The following MED13L variants were observed in gnomAD, a reference collection of about 807,000 sequenced individuals.
MED13L encodes the protein mediator complex subunit 13L, also known as mediator of RNA polymerase II transcription subunit 13-like.
MED13L carries 7 observed loss-of-function variants against 220.9 expected under a neutral mutation model. That is an observed-to-expected ratio of 0.03 (90% confidence interval 0.02 to 0.06). The LOEUF (loss-of-function observed/expected upper bound fraction) is 0.06, where lower values mean the gene tolerates loss of function less well. MED13L is among the 10% of genes least tolerant of loss of function. The pLI is 1.00. For synonymous variants in MED13L, 1,011 were observed against 1,015.2 expected (o/e 1.00, Z 0.08); for missense variants, 1,965 against 2,760.5 (o/e 0.71, Z 6.46).
Position 115,991,052 on chromosome 12 carries a change from C to T in MED13L, c.3902G>A (p.Ser1301Asn). Reference protein sequence around the residue: ...GGKVDEALVRSATVHSWPHSN... With the variant: ...GGKVDEALVRNATVHSWPHSN... ...GTGAGGCCAAGAGTGCACAGTGGCA[C>T]TTCTCACCAGAGCTTCGTCCACTTT... The change falls in exon 17 of 31, where the codon AGT (serine) becomes AAT (asparagine). Residue 1301 changes from serine to asparagine, a missense_variant. Around this residue, in one of 10 missense-constraint regions of MED13L, gnomAD observed 165 missense variants for 190.8 expected, o/e 0.86. Coordinates refer to ENST00000281928, the MANE Select transcript of MED13L (RefSeq NM_015335.5). This position sits in a 1 kb window ranked among gnomAD's most constrained non-coding sequence, Gnocchi z 7.7. 1 of 1,614,184 alleles carries T rather than the reference C, an allele frequency of 6.2e-7. No individual in the cohort carries two copies. Among genetic ancestry groups the T allele is most frequent in the Non-Finnish European group, 8.5e-7 (1 of 1,180,026 alleles).
intron 23 of MED13L, among the ~76,000 whole-genome samples, chr12:115,977,919 C>T (rs751274874): frequency 1.3e-4 from 20 of 152,084 alleles, no homozygotes; most frequent in Non-Finnish European, 2.8e-4. Context: ...CACTTAAGCC[C>T]AGGGAGGTCG....
chr12:116,156,719 A>T (rs1878470732), intron 2 of MED13L, among the ~76,000 whole-genome samples: 1 of 152,176 alleles, frequency 6.6e-6, no homozygotes, highest in Non-Finnish European at 1.5e-5. Context: ...TGTTCCCTCA[A>T]ATTAGAGGAT....
At chr12:116,060,073 C>T (rs954124697) in intron 4 of MED13L, among the ~76,000 whole-genome samples, 2 of 152,056 alleles carry the variant, frequency 1.3e-5, no homozygotes, top group Non-Finnish European at 2.9e-5. Context: ...AGTTTCACTG[C>T]TGGACTGTGT....
At chr12:116,185,132 T>C (rs1466069384) in intron 2 of MED13L, among the ~76,000 whole-genome samples, 1 of 152,140 alleles carries the variant, frequency 6.6e-6, no homozygotes. Context: ...AGCGCCTCAT[T>C]TGATAAAAAT....
intron 1 of MED13L, among the ~76,000 whole-genome samples, chr12:116,260,715 T>C (rs1027282459): frequency 3.3e-5 from 5 of 152,220 alleles, no homozygotes; most frequent in African/African-American, 1.2e-4. Flanking sequence ...TTCTATCCAC[T>C]GGTTCCCCAA....
At chr12:116,077,677 A>G (rs1023768790) in intron 4 of MED13L, among the ~76,000 whole-genome samples, 3 of 152,216 alleles carry the variant, frequency 2.0e-5, no homozygotes, top group East Asian at 1.9e-4. Flanking sequence ...GATTAACACT[A>G]GAAGAAAAAC....
intron 2 of MED13L, among the ~76,000 whole-genome samples, chr12:116,154,009 C>G (rs902647436): frequency 3.3e-5 from 5 of 152,146 alleles, no homozygotes; most frequent in African/African-American, 1.2e-4. Context: ...ATCACAGCTG[C>G]CCGGAGCACT....
At chr12:116,089,820 T>C (rs1872032493) in intron 4 of MED13L, among the ~76,000 whole-genome samples, 1 of 152,178 alleles carries the variant, frequency 6.6e-6, no homozygotes, top group Non-Finnish European at 1.5e-5. Flanking sequence ...TGAGATGCCA[T>C]GAAAAAAGAA....
chr12:116,276,269 G>C (rs1873810091), intron 1 of MED13L, among the ~76,000 whole-genome samples: 1 of 151,106 alleles, frequency 6.6e-6, no homozygotes, highest in South Asian at 2.1e-4. Context: ...GGCGAAGGCA[G>C]ATAAAAGCGA....
intron 18 of MED13L, among the ~76,000 whole-genome samples, chr12:115,986,713 G>C (rs1441248070): frequency 6.6e-6 from 1 of 152,174 alleles, no homozygotes; most frequent in Non-Finnish European, 1.5e-5. Flanking sequence ...AGTAAGATCA[G>C]AGGGCAGACT....
chr12:116,043,498 T>A (rs1401453676), intron 4 of MED13L, among the ~76,000 whole-genome samples: 1 of 152,146 alleles, frequency 6.6e-6, no homozygotes, highest in Non-Finnish European at 1.5e-5. Context: ...TAATCATGTT[T>A]AGTAACAGAA....
chr12:116,207,299 C>T (rs959457579), intron 2 of MED13L, among the ~76,000 whole-genome samples: 7 of 152,098 alleles, frequency 4.6e-5, no homozygotes, highest in African/African-American at 1.4e-4. Context: ...CCGTTCCTTG[C>T]TTTTTCTATG....
chr12:116,045,765 G>C (rs1444881396), intron 4 of MED13L, among the ~76,000 whole-genome samples: 2 of 151,908 alleles, frequency 1.3e-5, no homozygotes, highest in African/African-American at 4.8e-5. Flanking sequence ...TCTTTAGACA[G>C]GTTACAAGTA....
intron 2 of MED13L, among the ~76,000 whole-genome samples, chr12:116,114,791 A>C (rs1275101644): frequency 6.6e-6 from 1 of 152,226 alleles, no homozygotes; most frequent in African/African-American, 2.4e-5. Flanking sequence ...ACAAAAAACT[A>C]TCACATTTCT....
chr12:116,244,931 A>C (rs1454557602), intron 1 of MED13L, among the ~76,000 whole-genome samples: 1 of 152,202 alleles, frequency 6.6e-6, no homozygotes, highest in Non-Finnish European at 1.5e-5. Flanking sequence ...CAGCCTGGGC[A>C]ACAGAGTGAG....
chr12:116,032,087 G>A (rs1880886760), intron 4 of MED13L, among the ~76,000 whole-genome samples: 1 of 152,080 alleles, frequency 6.6e-6, no homozygotes, highest in South Asian at 2.1e-4. Context: ...GGTTTCTATG[G>A]AGAAATTTAT....
rs1878043425 is a variant in MED13L, at chr12:115,991,273, G to A, written c.3681C>T (p.Leu1227=). The A allele has an allele frequency of 1.9e-6, 3 of 1,614,182 alleles. No homozygotes were observed. In the East Asian group the frequency reaches 6.7e-5, roughly 36 times the overall value. The change falls in exon 17 of 31, where the codon CTC becomes CTT. Residue 1227 remains leucine, a synonymous_variant. Coordinates refer to ENST00000281928, the MANE Select transcript of MED13L (RefSeq NM_015335.5). The surrounding 1 kb of genome is among the most constrained non-coding windows in gnomAD (Gnocchi z 7.7). ...KPQEPPISLL[L]LLQNQHTQPF... ...GTTGTGTGTGTTGATTCTGGAGGAG[G>A]AGGAGAAGGCTTATGGGTGGCTCCT...
At position 116,175,099 on chromosome 12, in the gene MED13L, A is replaced by G. The variant is rs558482501; in HGVS notation, c.310+62369T>C. The stretch of plus-strand genomic sequence containing the variant: ...AGAAAATACATAAATATATTCACAC[A>G]CAAAGATGTTAGCTGCTGTCTCTGC... On this transcript the variant is annotated intron_variant, in intron 2 of 30. Transcript: ENST00000281928. Among the ~76,000 whole-genome samples, 110 of 152,232 alleles carry G rather than the reference A, an allele frequency of 7.2e-4. No homozygotes were observed. In the South Asian group the frequency reaches 0.022, roughly 31 times the overall value.
chr12:116,137,852 A>ATTTTT (rs5801166), intron 2 of MED13L, among the ~76,000 whole-genome samples: 9 of 118,482 alleles, frequency 7.6e-5, no homozygotes, highest in Non-Finnish European at 1.5e-4. Flanking sequence ...TAATGAGGTA[A>ATTTTT]TTTTTTTTTT....
Sources: allele counts gnomAD v4.1 joint callset (sites outside exome capture counted in the v4.1 genomes callset), GRCh38; gene constraint gnomAD v4.1.1; regional missense constraint gnomAD v4.1.1; non-coding constraint Gnocchi (gnomAD v3.1); transcripts MANE v1.5; gene names NCBI Gene and HGNC (gene_info 2026-07-23, HGNC 2026-07-21).